The following ZNF610 variants were observed in gnomAD, a reference collection of about 807,000 sequenced individuals.
The protein encoded by ZNF610 is zinc finger protein 610, also known as zink finger protein.
In ZNF610, 14 loss-of-function variants were observed where a neutral mutation model predicts 14.1. The ratio of observed to expected loss-of-function variants is 0.99; its 90% CI spans 0.65 to 1.55. The LOEUF (loss-of-function observed/expected upper bound fraction) is 1.55. Ranked by LOEUF, ZNF610 falls within the 40% of genes most tolerant of loss-of-function variation. The pLI, the probability that ZNF610 is intolerant of heterozygous loss-of-function variation, is 0.00. For synonymous variants in ZNF610, 185 were observed against 187.6 expected (o/e 0.99, Z 0.11); for missense variants, 530 against 558.0 (o/e 0.95, Z 0.51).
chr19:52,362,725 A>G (rs1985840344), intron 5 of ZNF610, among the ~76,000 whole-genome samples: 1 of 152,100 alleles, frequency 6.6e-6, no homozygotes, highest in South Asian at 2.1e-4. Flanking sequence ...TGTGGGTTTT[A>G]CATTTCTTTC....
intron 5 of ZNF610, among the ~76,000 whole-genome samples, chr19:52,363,794 A>G (rs568760923): frequency 1.3e-5 from 2 of 152,088 alleles, no homozygotes; most frequent in South Asian, 2.1e-4. Context: ...ATTTAGTTGG[A>G]TCCTGTTTTG....
Position 52,354,107 on chromosome 19 carries a change from A to G in ZNF610, c.191-144A>G, listed in dbSNP as rs1352470260. 4 of 1,146,686 alleles carry G rather than the reference A, an allele frequency of 3.5e-6. No individual in the cohort carries two copies. The African/African-American group carries it at 6.2e-5, about 18-fold the overall frequency. 71.0% of individuals were successfully genotyped at this position (1,146,686 alleles called of 1,614,324 possible). On this transcript the variant is annotated intron_variant, in intron 4 of 5. Transcript: ENST00000403906. ...AGTGTCTACATATTGCATATTCCCTAAGCATTCAGAAGGAGCCAGTCTGTG... is the reference window on the plus strand; with the variant it reads ...AGTGTCTACATATTGCATATTCCCTGAGCATTCAGAAGGAGCCAGTCTGTG...
intron 4 of ZNF610, 133 bp downstream of exon 4, chr19:52,353,941 T>A: frequency 8.3e-7 from 1 of 1,205,898 alleles, no homozygotes; most frequent in Non-Finnish European, 1.2e-6. Context: ...TGAAAAGCTC[T>A]ATTATGCTCT....
chr19:52,343,774 T>C (rs1282085054), intron 1 of ZNF610, among the ~76,000 whole-genome samples: 1 of 152,152 alleles, frequency 6.6e-6, no homozygotes, highest in Non-Finnish European at 1.5e-5. Flanking sequence ...CCTTGAAGGC[T>C]AACGGTGTGA....
chr19:52,334,513 AAAAAT>A (rs145352931), upstream of ZNF610, among the ~76,000 whole-genome samples: 2,350 of 152,242 alleles, frequency 0.015, 70 homozygotes, highest in African/African-American at 0.053. Flanking sequence ...ACTTTGTCTC[AAAAAT>A]AAAATAAAAT....
chr19:52,346,204 A>G (rs1384378052), intron 1 of ZNF610, among the ~76,000 whole-genome samples: 1 of 149,588 alleles, frequency 6.7e-6, no homozygotes, highest in Non-Finnish European at 1.5e-5. Context: ...GTTTTTTTTG[A>G]GATAGAGTCT....
chr19:52,362,918 T>G (rs2560878), intron 5 of ZNF610, among the ~76,000 whole-genome samples: 1 of 151,902 alleles, frequency 6.6e-6, no homozygotes, highest in Non-Finnish European at 1.5e-5. Context: ...TCATATCTAA[T>G]GAGGCTATAG....
chr19:52,367,091 G>T lies in ZNF610; in HGVS notation c.*324G>T. On this transcript the variant is annotated 3_prime_UTR_variant, in exon 6 of 6. Transcript: ENST00000403906. ...GATTTAGAATGTACATACTTCTCAT[G>T]TTTTAAGTAATAAAGTTTAAAGTTT... 7.4e-6 allele frequency: 2 copies of T among 270,208 alleles called. No homozygotes were observed. The highest frequency in any genetic ancestry group is 5.0e-5 in the Admixed American group (1 of 20,148). The allele number at this position is 270,208 out of a possible 1,614,324, so 16.7% of individuals were successfully genotyped here. A position where few individuals can be genotyped will look rare whatever the true frequency, so the allele number is the denominator to read the frequency against.
chr19:52,356,530 G>C (rs1320035680), intron 5 of ZNF610, among the ~76,000 whole-genome samples: 1 of 152,102 alleles, frequency 6.6e-6, no homozygotes, highest in African/African-American at 2.4e-5. Context: ...TAGTATCAGG[G>C]AATGGCCATT....
At chr19:52,350,925 G>A (rs1459967645) in intron 3 of ZNF610, among the ~76,000 whole-genome samples, 2 of 151,970 alleles carry the variant, frequency 1.3e-5, no homozygotes, top group East Asian at 3.9e-4. Context: ...GCTTGAACCC[G>A]GGAGGTGGAG....
chr19:52,337,330 C>T (rs191573079), intron 1 of ZNF610, among the ~76,000 whole-genome samples: 16 of 151,496 alleles, frequency 1.1e-4, no homozygotes, highest in Middle Eastern at 3.4e-3. Context: ...AGAGTGGGGA[C>T]AAGAGAGTGT....
intron 5 of ZNF610, 49 bp from the exon 6 acceptor site, chr19:52,365,649 A>C: frequency 6.6e-7 from 1 of 1,507,620 alleles, no homozygotes; most frequent in Non-Finnish European, 8.9e-7. Flanking sequence ...ACCAGACGGT[A>C]AACATGCCAG....
chr19:52,349,520 A>T (rs1985142245), intron 3 of ZNF610, among the ~76,000 whole-genome samples: 1 of 150,804 alleles, frequency 6.6e-6, no homozygotes, highest in Admixed American at 6.6e-5. Context: ...ATCTGGATGC[A>T]CTGTCAGCTC....
At chr19:52,361,860 C>G (rs1742706414) in intron 5 of ZNF610, among the ~76,000 whole-genome samples, 1 of 152,016 alleles carries the variant, frequency 6.6e-6, no homozygotes, top group African/African-American at 2.4e-5. Context: ...TGCTACCTTT[C>G]TATTTAGTTT....
Position 52,366,029 on chromosome 19 carries a change from A to G in ZNF610, c.651A>G (p.Ala217=). ...SEDGEVFRVR[A]SLTNHQVIHT... is the part of the protein sequence containing the mutation. ...ATGGTGAAGTTTTTAGAGTCCGTGC[A>G]AGCCTTACTAACCATCAAGTAATCC... The change falls in exon 6 of 6, where the codon GCA becomes GCG. Residue 217 remains alanine, a synonymous_variant. Transcript: ENST00000403906. The G allele has an allele frequency of 6.2e-7, 1 of 1,614,134 alleles. No homozygotes were observed. The highest frequency in any genetic ancestry group is 8.5e-7 in the Non-Finnish European group (1 of 1,180,018).
intron 1 of ZNF610, among the ~76,000 whole-genome samples, chr19:52,346,580 G>A (rs1374933472): frequency 6.6e-6 from 1 of 152,180 alleles, no homozygotes; most frequent in African/African-American, 2.4e-5. Flanking sequence ...TTACAGGCGT[G>A]AGCCACCACA....
chr19:52,357,004 AGAGCGT>A lies in ZNF610; in HGVS notation c.319+2627_319+2632del, dbSNP rs572816937. 2.6e-3 allele frequency among the ~76,000 whole-genome samples: 391 copies of A among 152,282 alleles called. 2 individuals carry two copies. The highest frequency in any genetic ancestry group is 8.7e-3 in the African/African-American group (362 of 41,554). On this transcript the variant is annotated intron_variant, in intron 5 of 5. Coordinates refer to ENST00000403906, the MANE Select transcript of ZNF610 (RefSeq NM_001161425.2). ...TTCTATTCTGATGCTGTGTACCTGGAGAGCGTGTCACATGCCACAGGTTGAGGGCTC... is the reference window on the plus strand; with the variant it reads ...TTCTATTCTGATGCTGTGTACCTGGAGTCACATGCCACAGGTTGAGGGCTC...
At position 52,342,085 on chromosome 19, in the gene ZNF610, A is replaced by G. The variant is rs150580550; in HGVS notation, c.-258+5579A>G. Reference sequence around the variant, plus strand: ...CAGCCACCCGAGTAGCCAGGACTACAGGTTTGTGCCACTGTGCCATGCTAA... The same window carrying G: ...CAGCCACCCGAGTAGCCAGGACTACGGGTTTGTGCCACTGTGCCATGCTAA... On this transcript the variant is annotated intron_variant, in intron 1 of 5. Coordinates refer to ENST00000403906, the MANE Select transcript of ZNF610 (RefSeq NM_001161425.2). Among the ~76,000 whole-genome samples, 374 of 152,086 alleles carry G rather than the reference A, an allele frequency of 2.5e-3. 1 individual carries two copies. Among genetic ancestry groups the G allele is most frequent in the African/African-American group, 8.6e-3 (357 of 41,486 alleles).
At chr19:52,356,451 A>G (rs1180915311) in intron 5 of ZNF610, among the ~76,000 whole-genome samples, 1 of 152,142 alleles carries the variant, frequency 6.6e-6, no homozygotes, top group Non-Finnish European at 1.5e-5. Context: ...TGGTTTTTGT[A>G]TATTTAGTCA....
Sources: allele counts gnomAD v4.1 joint callset (sites outside exome capture counted in the v4.1 genomes callset), GRCh38; gene constraint gnomAD v4.1.1; transcripts MANE v1.5; gene names NCBI Gene and HGNC (gene_info 2026-07-23, HGNC 2026-07-21).